Variants in ADAM18 observed in about 807,000 individuals in gnomAD.
The protein encoded by ADAM18 is ADAM metallopeptidase domain 18, also known as disintegrin and metalloproteinase domain-containing protein 18.
A neutral mutation model predicts 94.4 loss-of-function variants in ADAM18; 117 were observed. The ratio of observed to expected loss-of-function variants is 1.24; its 90% CI spans 1.07 to 1.45. ADAM18 has a LOEUF of 1.45. Among genes scored for constraint, ADAM18 ranks in the 40% most tolerant of loss-of-function variants. The pLI is 0.00. For synonymous variants in ADAM18, 327 were observed against 291.6 expected (o/e 1.12, Z -1.24); for missense variants, 936 against 880.0 (o/e 1.06, Z -0.81).
chr8:39,640,834 T>A (rs28804086), intron 10 of ADAM18, among the ~76,000 whole-genome samples: 3,888 of 151,666 alleles, frequency 0.026, 177 homozygotes, highest in African/African-American at 0.087. Context: ...TTATGAGAAG[T>A]GTCTGTTCTT....
intron 17 of ADAM18, among the ~76,000 whole-genome samples, chr8:39,700,202 G>A (rs1451737): frequency 6.6e-6 from 1 of 152,106 alleles, no homozygotes; most frequent in Non-Finnish European, 1.5e-5. Flanking sequence ...ATCACATAAT[G>A]ACTAGAAATT....
At chr8:39,622,672 T>C (rs1007842862) in intron 6 of ADAM18, among the ~76,000 whole-genome samples, 1 of 152,106 alleles carries the variant, frequency 6.6e-6, no homozygotes, top group African/African-American at 2.4e-5. Context: ...AACTTATTAA[T>C]TTTTCATTTC....
intron 12 of ADAM18, among the ~76,000 whole-genome samples, chr8:39,655,243 T>G (rs1453683695): frequency 6.6e-6 from 1 of 152,202 alleles, no homozygotes; most frequent in Non-Finnish European, 1.5e-5. Flanking sequence ...TTCTCATGCA[T>G]ATAGATATTT....
chr8:39,709,132 T>A (rs1822323130), intron 18 of ADAM18, among the ~76,000 whole-genome samples: 1 of 152,208 alleles, frequency 6.6e-6, no homozygotes, highest in South Asian at 2.1e-4. Context: ...TGAAGTCATG[T>A]GAGCAAATTG....
chr8:39,610,514 C>T lies in ADAM18; in HGVS notation c.345-15C>T, dbSNP rs1345674199. ...GATTTTTATAACTATTTTCTTATGC[C>T]TTCTAAATTTTCAGGGGATTTCTCC... is the stretch of plus-strand genomic sequence containing the variant. On this transcript the variant is annotated splice_polypyrimidine_tract_variant and intron_variant, in intron 5 of 19. Coordinates refer to ENST00000265707, the MANE Select transcript of ADAM18 (RefSeq NM_014237.3). 1 of 1,582,644 alleles carries T rather than the reference C, an allele frequency of 6.3e-7. No individual in the cohort carries two copies. Among genetic ancestry groups the T allele is most frequent in the East Asian group, 2.3e-5 (1 of 43,914 alleles).
At chr8:39,683,777 T>C (rs770682491) in intron 16 of ADAM18, among the ~76,000 whole-genome samples, 3 of 152,218 alleles carry the variant, frequency 2.0e-5, no homozygotes, top group Admixed American at 6.5e-5. Flanking sequence ...ATTTAATTGT[T>C]CTTTAAATAT....
intron 15 of ADAM18, 76 bp from the exon 16 acceptor site, chr8:39,679,961 A>C: frequency 7.3e-7 from 1 of 1,379,062 alleles, no homozygotes; most frequent in East Asian, 2.3e-5. Context: ...GTATGTTACC[A>C]TTATGCAGTA....
chr8:39,586,802 A>ATATC (rs71518173), intron 2 of ADAM18, among the ~76,000 whole-genome samples: 217 of 131,032 alleles, frequency 1.7e-3, no homozygotes, highest in Middle Eastern at 0.012. Context: ...CTATCTATCT[A>ATATC]TATCTATCTA....
At chr8:39,716,533 T>G (rs1275089588) in intron 18 of ADAM18, among the ~76,000 whole-genome samples, 1 of 151,968 alleles carries the variant, frequency 6.6e-6, no homozygotes, top group Non-Finnish European at 1.5e-5. Context: ...TGATTTCTAC[T>G]TACATCCCCT....
At chr8:39,643,877 T>C (rs1269850384) in intron 10 of ADAM18, among the ~76,000 whole-genome samples, 1 of 151,452 alleles carries the variant, frequency 6.6e-6, no homozygotes, top group Non-Finnish European at 1.5e-5. Context: ...TTTTGGTTTT[T>C]GTATCTTGCC....
chr8:39,710,769 A>G (rs1209782066), intron 18 of ADAM18, among the ~76,000 whole-genome samples: 1 of 152,236 alleles, frequency 6.6e-6, no homozygotes, highest in Non-Finnish European at 1.5e-5. Context: ...AGGACTAACT[A>G]TCCTGCTAGG....
intron 7 of ADAM18, among the ~76,000 whole-genome samples, chr8:39,636,908 C>T (rs1360285375): frequency 6.6e-6 from 1 of 151,080 alleles, no homozygotes; most frequent in Non-Finnish European, 1.5e-5. Context: ...ATTTTCTTTT[C>T]TGTATCTGGC....
chr8:39,696,814 T>G (rs954735609), intron 17 of ADAM18, among the ~76,000 whole-genome samples: 1 of 151,588 alleles, frequency 6.6e-6, no homozygotes. Flanking sequence ...TTCAACTTTA[T>G]TCTTTCTTTG....
intron 13 of ADAM18, 125 bp downstream of exon 13, chr8:39,664,015 A>G: frequency 1.5e-6 from 1 of 651,432 alleles, no homozygotes; most frequent in South Asian, 2.3e-5. Context: ...TGTAGAGTGC[A>G]TGAACAAACA....
At chr8:39,636,138 C>T (rs1370507615) in intron 7 of ADAM18, among the ~76,000 whole-genome samples, 2 of 151,666 alleles carry the variant, frequency 1.3e-5, no homozygotes, top group African/African-American at 2.4e-5. Context: ...TCTGCCTCAT[C>T]CTTCCAAGTA....
chr8:39,691,578 G>T (rs758785115), intron 16 of ADAM18, among the ~76,000 whole-genome samples: 1 of 151,956 alleles, frequency 6.6e-6, no homozygotes, highest in Non-Finnish European at 1.5e-5. Flanking sequence ...TGGAATCAAC[G>T]TAATTGCTCA....
chr8:39,696,003 A>G (rs1237508286), intron 17 of ADAM18, among the ~76,000 whole-genome samples: 1 of 151,492 alleles, frequency 6.6e-6, no homozygotes, highest in African/African-American at 2.4e-5. Flanking sequence ...TATTTGCCAC[A>G]GTCTCATCAA....
At chr8:39,684,818 T>G (rs1821565524) in intron 16 of ADAM18, among the ~76,000 whole-genome samples, 1 of 152,194 alleles carries the variant, frequency 6.6e-6, no homozygotes, top group South Asian at 2.1e-4. Flanking sequence ...GCCCGGTGCC[T>G]CATTTCAGGC....
chr8:39,713,659 C>A (rs528690950), intron 18 of ADAM18, among the ~76,000 whole-genome samples: 230 of 152,196 alleles, frequency 1.5e-3, no homozygotes, highest in Non-Finnish European at 2.5e-3. Flanking sequence ...TCAAAAGAAG[C>A]CATTTATGCA....
Sources: gnomAD v4.1 joint callset for allele counts (sites outside exome capture counted in the v4.1 genomes callset) on GRCh38, gnomAD v4.1.1 for gene constraint, MANE v1.5 for transcripts, NCBI Gene and HGNC (gene_info 2026-07-23, HGNC 2026-07-21) for gene names.